DIS3L2: variants seen among roughly 807,000 people sequenced by gnomAD.
DIS3L2 encodes DIS3-like exonuclease 2.
DIS3L2 carries 34 observed loss-of-function variants against 97.5 expected under a neutral mutation model. That is an observed-to-expected ratio of 0.35 (90% CI 0.27 to 0.46). The LOEUF (loss-of-function observed/expected upper bound fraction) is 0.46, where lower values mean the gene tolerates loss of function less well. Among genes scored for constraint, DIS3L2 ranks in the 20% least tolerant of loss-of-function variants. The probability of loss-of-function intolerance (pLI) is 1.00; values close to 1 mark genes in which losing one functional copy is unlikely to be tolerated. For synonymous variants in DIS3L2, 435 were observed against 445.2 expected (o/e 0.98, Z 0.29); for missense variants, 1,038 against 1,146.0 (o/e 0.91, Z 1.36).
intron 5 of DIS3L2, among the ~76,000 whole-genome samples, chr2:232,049,492 G>C (rs1416899637): frequency 6.6e-6 from 1 of 152,038 alleles, no homozygotes; most frequent in Admixed American, 6.6e-5. Context: ...GTGGGTTTTC[G>C]TACTCTTGCC....
At chr2:232,024,213 A>G in intron 3 of DIS3L2, 64 bp from the exon 4 acceptor site, 2 of 1,220,400 alleles carry the variant, frequency 1.6e-6, no homozygotes, top group South Asian at 2.8e-5. Context: ...TTGGAGAATA[A>G]CATACGTGGA....
chr2:231,994,109 CCA>C (rs1192745336), intron 1 of DIS3L2, among the ~76,000 whole-genome samples: 1 of 144,320 alleles, frequency 6.9e-6, no homozygotes, highest in African/African-American at 2.6e-5. Context: ...CTATTGATGT[CCA>C]GTTGTTCCAG....
chr2:232,228,465 G>T (rs887185169), intron 10 of DIS3L2, among the ~76,000 whole-genome samples: 15 of 152,316 alleles, frequency 9.8e-5, no homozygotes, highest in African/African-American at 3.6e-4. Context: ...CACATGCCAT[G>T]ACCTGCTGCC....
At chr2:232,019,182 T>C (rs1694441198) in intron 3 of DIS3L2, among the ~76,000 whole-genome samples, 1 of 152,204 alleles carries the variant, frequency 6.6e-6, no homozygotes. Flanking sequence ...AAGTTGTTAT[T>C]GGCTCTCTGA....
At chr2:232,073,593 C>T (rs960914211) in intron 5 of DIS3L2, among the ~76,000 whole-genome samples, 2 of 151,990 alleles carry the variant, frequency 1.3e-5, no homozygotes, top group Admixed American at 6.5e-5. Context: ...TCTTTGAGCT[C>T]GAGGAAAGGT....
At chr2:232,205,237 T>A (rs1004898773) in intron 9 of DIS3L2, among the ~76,000 whole-genome samples, 4 of 141,404 alleles carry the variant, frequency 2.8e-5, no homozygotes, top group South Asian at 2.3e-4. Flanking sequence ...TATATATATA[T>A]AAAATGCAGT....
At chr2:232,289,682 A>C (rs963057081) in intron 13 of DIS3L2, among the ~76,000 whole-genome samples, 1 of 152,240 alleles carries the variant, frequency 6.6e-6, no homozygotes, top group African/African-American at 2.4e-5. Context: ...AGCTCATATG[A>C]TCTACACACA....
rs146752869 is a variant in DIS3L2 at position 232,263,241 on chromosome 2, G to A, written c.1460G>A (p.Arg487His). 7.4e-6 allele frequency: 12 copies of A among 1,614,148 alleles called. No individual in the cohort carries two copies. The highest frequency in any genetic ancestry group is 2.2e-5 in the East Asian group (1 of 44,880). The change falls in exon 13 of 21, where the codon CGC becomes CAC. Residue 487 changes from arginine (R) to histidine (H), a missense_variant. By Grantham distance (29) the Arg-to-His change is conservative (BLOSUM62 0). Coordinates refer to ENST00000325385, the MANE Select transcript of DIS3L2 (RefSeq NM_152383.5). Reference protein sequence around the residue: ...LDEWFGRTIIRSCTKLSYEHA... With the variant: ...LDEWFGRTIIHSCTKLSYEHA... ...GAATGGTTTGGCCGGACCATCATCC[G>A]CTCCTGCACCAAACTTAGCTACGAG...
At chr2:231,977,640 G>A (rs1454620121) in intron 1 of DIS3L2, among the ~76,000 whole-genome samples, 1 of 152,184 alleles carries the variant, frequency 6.6e-6, no homozygotes, top group Non-Finnish European at 1.5e-5. Context: ...AGGAATACAT[G>A]TGACACTGTC....
intron 12 of DIS3L2, chr2:232,260,414 A>G (rs1392075611): frequency 2.0e-5 from 3 of 152,228 alleles, no homozygotes; most frequent in East Asian, 1.9e-4. Flanking sequence ...AGACCTGCAC[A>G]TGGCACTCCC....
intron 1 of DIS3L2, among the ~76,000 whole-genome samples, chr2:231,994,750 A>G (rs1693682792): frequency 2.0e-5 from 3 of 148,756 alleles, no homozygotes; most frequent in Admixed American, 1.3e-4. Flanking sequence ...TTCAAAATTT[A>G]TATTTTAGTA....
chr2:232,216,596 T>TC (rs1692341659), intron 10 of DIS3L2, among the ~76,000 whole-genome samples: 1 of 152,054 alleles, frequency 6.6e-6, no homozygotes, highest in African/African-American at 2.4e-5. Flanking sequence ...ATTTTTTTTT[T>TC]CTCACCACTC....
At chr2:232,201,248 G>A (rs1390044084) in intron 9 of DIS3L2, among the ~76,000 whole-genome samples, 2 of 152,204 alleles carry the variant, frequency 1.3e-5, no homozygotes, top group Non-Finnish European at 2.9e-5. Context: ...CTGAAGGTAT[G>A]CACATCATCA....
intron 12 of DIS3L2, among the ~76,000 whole-genome samples, chr2:232,252,471 A>G (rs527775754): frequency 6.6e-6 from 1 of 152,364 alleles, no homozygotes; most frequent in Non-Finnish European, 1.5e-5. Flanking sequence ...GTGGGCTTCT[A>G]CATTCTGTCT....
intron 8 of DIS3L2, among the ~76,000 whole-genome samples, chr2:232,154,903 T>C (rs1335941365): frequency 3.4e-5 from 2 of 59,588 alleles, no homozygotes; most frequent in East Asian, 9.5e-4. Context: ...TATAGTCTCG[T>C]GGTGCGCCGT....
chr2:231,968,489 C>A (rs1692793730), intron 1 of DIS3L2, among the ~76,000 whole-genome samples: 1 of 152,244 alleles, frequency 6.6e-6, no homozygotes, highest in Non-Finnish European at 1.5e-5. Context: ...AGTTATCCTT[C>A]TTTCACTCAG....
intron 12 of DIS3L2, among the ~76,000 whole-genome samples, chr2:232,252,638 C>A (rs1401131402): frequency 6.6e-6 from 1 of 152,188 alleles, no homozygotes; most frequent in Non-Finnish European, 1.5e-5. Flanking sequence ...CAGTGGCTCA[C>A]GCCTGTAGTC....
At position 232,310,738 on chromosome 2, in the gene DIS3L2, C is replaced by G. The variant is rs542209814; in HGVS notation, c.1739+10619C>G. On this transcript the variant is annotated intron_variant, in intron 14 of 20. Coordinates refer to ENST00000325385, the MANE Select transcript of DIS3L2 (RefSeq NM_152383.5). Reference sequence around the variant, plus strand: ...GCAGGCTTCTCCCTGGATACTACCCCAGCTATCTGATGCAAGCAGGTGTGG... The same window carrying G: ...GCAGGCTTCTCCCTGGATACTACCCGAGCTATCTGATGCAAGCAGGTGTGG... 1.6e-3 allele frequency among the ~76,000 whole-genome samples: 238 copies of G among 152,342 alleles called. 4 individuals carry two copies. In the South Asian group the frequency reaches 0.016, roughly 10 times the overall value.
intron 6 of DIS3L2, among the ~76,000 whole-genome samples, chr2:232,108,166 A>G (rs745823008): frequency 6.6e-6 from 1 of 152,172 alleles, no homozygotes; most frequent in East Asian, 1.9e-4. Flanking sequence ...TCAGCAGCTC[A>G]TCAAAAAGCT....
Sources: allele counts gnomAD v4.1 joint callset (sites outside exome capture counted in the v4.1 genomes callset), GRCh38; gene constraint gnomAD v4.1.1; transcripts MANE v1.5; gene names NCBI Gene and HGNC (gene_info 2026-07-23, HGNC 2026-07-21).